The following MAGI2 variants were observed in gnomAD, a reference collection of about 807,000 sequenced individuals.
MAGI2 encodes the protein membrane associated guanylate kinase, WW and PDZ domain containing 2, also known as membrane-associated guanylate kinase, WW and PDZ domain-containing protein 2.
MAGI2 carries 35 observed loss-of-function variants against 133.3 expected under a neutral mutation model. The observed-to-expected ratio is 0.26, with a 90% confidence interval of 0.20 to 0.35. MAGI2 has a LOEUF of 0.35. Among genes scored for constraint, MAGI2 ranks in the 10% least tolerant of loss-of-function variants. The pLI is 1.00. For missense variants in MAGI2, 1,636 were observed against 1,863.4 expected (o/e 0.88, Z 2.25); for synonymous variants, 729 against 710.6 (o/e 1.03, Z -0.41).
chr7:79,277,155 G>A (rs1835288872), intron 1 of MAGI2, among the ~76,000 whole-genome samples: 1 of 152,038 alleles, frequency 6.6e-6, no homozygotes, highest in Non-Finnish European at 1.5e-5. Context: ...GTGATTGCTT[G>A]TCTTATTTAA....
intron 5 of MAGI2, among the ~76,000 whole-genome samples, chr7:78,498,883 T>A (rs534809916): frequency 6.6e-6 from 1 of 152,220 alleles, no homozygotes; most frequent in South Asian, 2.1e-4. Flanking sequence ...ACTTCCACCA[T>A]GACTCCAGGC....
chr7:79,414,383 A>C (rs1277326676), intron 1 of MAGI2: 1 of 152,002 alleles, frequency 6.6e-6, no homozygotes, highest in African/African-American at 2.4e-5. Context: ...CAGAGGGTTC[A>C]TCTCTACTAA....
At chr7:78,220,639 A>C (rs1788717745) in intron 10 of MAGI2, among the ~76,000 whole-genome samples, 1 of 151,284 alleles carries the variant, frequency 6.6e-6, no homozygotes, top group South Asian at 2.1e-4. Context: ...CGGAAGATAA[A>C]ACCAGCTTAT....
intron 2 of MAGI2, among the ~76,000 whole-genome samples, chr7:78,984,517 C>T (rs574038172): frequency 6.6e-6 from 1 of 152,006 alleles, no homozygotes; most frequent in East Asian, 2.0e-4. Flanking sequence ...TGTTTACACC[C>T]ACTACGCCAA....
intron 6 of MAGI2, among the ~76,000 whole-genome samples, chr7:78,423,264 T>C (rs1798963720): frequency 6.6e-6 from 1 of 152,146 alleles, no homozygotes; most frequent in Admixed American, 6.5e-5. Flanking sequence ...AATGGGAGTT[T>C]TCCTGCACAA....
chr7:79,020,485 G>A (rs13246342), intron 1 of MAGI2, among the ~76,000 whole-genome samples: 88,599 of 151,494 alleles, frequency 0.58, 26,200 homozygotes, highest in East Asian at 0.63. Flanking sequence ...ATGAGGAACT[G>A]GTCAGGCGCG....
At chr7:78,398,118 C>A (rs1185573664) in intron 6 of MAGI2, among the ~76,000 whole-genome samples, 1 of 152,106 alleles carries the variant, frequency 6.6e-6, no homozygotes, top group African/African-American at 2.4e-5. Context: ...TTCCTATCTA[C>A]ATGCTGTAAT....
intron 1 of MAGI2, among the ~76,000 whole-genome samples, chr7:79,247,131 C>A (rs927317073): frequency 6.6e-6 from 1 of 152,034 alleles, no homozygotes; most frequent in Non-Finnish European, 1.5e-5. Context: ...CCAGATCTGT[C>A]CTACAAGAAA....
chr7:79,266,746 T>C (rs1413648464), intron 1 of MAGI2, among the ~76,000 whole-genome samples: 1 of 152,138 alleles, frequency 6.6e-6, no homozygotes, highest in Non-Finnish European at 1.5e-5. Context: ...AAGGTGACTA[T>C]GGTCAGGGCT....
intron 1 of MAGI2, among the ~76,000 whole-genome samples, chr7:79,186,763 AT>A (rs1057407345): frequency 1.8e-5 from 2 of 111,542 alleles, no homozygotes; most frequent in African/African-American, 5.5e-5. Flanking sequence ...ATATATATAT[AT>A]ATATATATAT....
At chr7:78,727,922 G>T (rs1296628901) in intron 2 of MAGI2, among the ~76,000 whole-genome samples, 2 of 152,158 alleles carry the variant, frequency 1.3e-5, no homozygotes, top group East Asian at 3.9e-4. Flanking sequence ...TAGTGACTGA[G>T]AGTAAAAATA....
At chr7:78,186,737 CT>C (rs749770939) in intron 12 of MAGI2, among the ~76,000 whole-genome samples, 2 of 152,094 alleles carry the variant, frequency 1.3e-5, no homozygotes, top group African/African-American at 4.8e-5. Context: ...CGAAAACATA[CT>C]TATTATATCT....
intron 9 of MAGI2, among the ~76,000 whole-genome samples, chr7:78,262,974 C>T (rs1793655622): frequency 6.6e-6 from 1 of 152,088 alleles, no homozygotes; most frequent in South Asian, 2.1e-4. Context: ...TCCTTACTCC[C>T]GTCTCTCCCT....
chr7:78,186,096 T>A (rs759970450), intron 12 of MAGI2, among the ~76,000 whole-genome samples: 2 of 152,178 alleles, frequency 1.3e-5, no homozygotes, highest in Non-Finnish European at 2.9e-5. Flanking sequence ...ATCCAATCAA[T>A]GATTGTATTG....
chr7:78,298,810 G>A (rs993973268), intron 9 of MAGI2, among the ~76,000 whole-genome samples: 5 of 79,606 alleles, frequency 6.3e-5, no homozygotes, highest in Non-Finnish European at 6.4e-5. Flanking sequence ...TGGCCTAAAC[G>A]TTTTTTTTTT....
At chr7:78,461,788 G>A (rs1283945462) in intron 6 of MAGI2, among the ~76,000 whole-genome samples, 1 of 151,594 alleles carries the variant, frequency 6.6e-6, no homozygotes, top group Non-Finnish European at 1.5e-5. Context: ...GTGCATGCCT[G>A]TAATCCCAGC....
At chr7:79,020,124 G>T (rs991613110) in intron 1 of MAGI2, among the ~76,000 whole-genome samples, 4 of 152,166 alleles carry the variant, frequency 2.6e-5, no homozygotes, top group African/African-American at 7.2e-5. Context: ...TGGAGATGAG[G>T]AACTTGTTGG....
intron 6 of MAGI2, among the ~76,000 whole-genome samples, chr7:78,387,978 T>A (rs1795554449): frequency 6.7e-6 from 1 of 150,116 alleles, no homozygotes; most frequent in South Asian, 2.1e-4. Flanking sequence ...ATAAATAAAA[T>A]AATAAAATCT....
At chr7:78,673,641 G>A (rs983136917) in intron 2 of MAGI2, among the ~76,000 whole-genome samples, 1 of 151,776 alleles carries the variant, frequency 6.6e-6, no homozygotes, top group African/African-American at 2.4e-5. Flanking sequence ...AGACATTTTT[G>A]TTCTGTTCAG....
Sources: allele counts gnomAD v4.1 joint callset (sites outside exome capture counted in the v4.1 genomes callset), GRCh38; gene constraint gnomAD v4.1.1; transcripts MANE v1.5; gene names NCBI Gene and HGNC (gene_info 2026-07-23, HGNC 2026-07-21).